Variants in GALNT17 observed in about 807,000 individuals in gnomAD.
The protein encoded by GALNT17 is polypeptide N-acetylgalactosaminyltransferase 17, also known as UDP-GalNAc:polypeptide N-acetylgalactosaminyltransferase-like 3.
A neutral mutation model predicts 63.7 loss-of-function variants in GALNT17; 29 were observed. That is an observed-to-expected ratio of 0.46 (90% CI 0.34 to 0.62). The LOEUF (loss-of-function observed/expected upper bound fraction) is 0.62, where lower values mean the gene tolerates loss of function less well. GALNT17 is among the 20% of genes least tolerant of loss of function. The pLI, the probability that GALNT17 is intolerant of heterozygous loss-of-function variation, is 0.01. For synonymous variants in GALNT17, 305 were observed against 318.3 expected (o/e 0.96, Z 0.45); for missense variants, 603 against 799.6 (o/e 0.75, Z 2.97).
chr7:71,337,392 G>A (rs7788793), intron 2 of GALNT17, among the ~76,000 whole-genome samples: 99,139 of 151,978 alleles, frequency 0.65, 32,738 homozygotes, highest in African/African-American at 0.76. Context: ...TATAGTAGAG[G>A]GATATTTTTG....
At chr7:71,481,317 G>A (rs535145043) in intron 5 of GALNT17, among the ~76,000 whole-genome samples, 1 of 152,224 alleles carries the variant, frequency 6.6e-6, no homozygotes, top group South Asian at 2.1e-4. Context: ...AGGGGTGGTG[G>A]GTGCACATGT....
chr7:71,549,027 C>T (rs954768168), intron 5 of GALNT17, among the ~76,000 whole-genome samples: 1 of 152,100 alleles, frequency 6.6e-6, no homozygotes, highest in Non-Finnish European at 1.5e-5. Flanking sequence ...ATAGGAATGC[C>T]CCTTGCCAGC....
At chr7:71,255,146 G>A (rs1426282399) in intron 1 of GALNT17, among the ~76,000 whole-genome samples, 1 of 152,176 alleles carries the variant, frequency 6.6e-6, no homozygotes, top group Non-Finnish European at 1.5e-5. Context: ...GAGCTGATAG[G>A]GTTTGGCTCT....
intron 2 of GALNT17, among the ~76,000 whole-genome samples, chr7:71,383,421 G>A (rs1049718942): frequency 2.0e-5 from 3 of 152,034 alleles, no homozygotes; most frequent in Non-Finnish European, 4.4e-5. Context: ...TAATTGTTAC[G>A]CTTATTGATT....
intron 6 of GALNT17, among the ~76,000 whole-genome samples, chr7:71,593,849 T>G (rs1382868128): frequency 6.6e-6 from 1 of 152,186 alleles, no homozygotes; most frequent in African/African-American, 2.4e-5. Flanking sequence ...TGGAAAGAAC[T>G]AAAACTACAT....
chr7:71,698,961 C>T (rs951826684), intron 9 of GALNT17, among the ~76,000 whole-genome samples: 1 of 150,936 alleles, frequency 6.6e-6, no homozygotes, highest in Non-Finnish European at 1.5e-5. Context: ...TGCCAGAACT[C>T]AGGAGTTCGA....
At chr7:71,620,690 G>A (rs1212126835) in intron 6 of GALNT17, among the ~76,000 whole-genome samples, 1 of 152,190 alleles carries the variant, frequency 6.6e-6, no homozygotes, top group Non-Finnish European at 1.5e-5. Context: ...TCAAGTCAGT[G>A]TACGTGGGAT....
intron 6 of GALNT17, among the ~76,000 whole-genome samples, chr7:71,577,181 G>A (rs1396299237): frequency 6.6e-6 from 1 of 152,136 alleles, no homozygotes; most frequent in Non-Finnish European, 1.5e-5. Context: ...TGGACATAAA[G>A]ATGGGAATGA....
chr7:71,252,033 G>A (rs1050136556), intron 1 of GALNT17, among the ~76,000 whole-genome samples: 12 of 152,206 alleles, frequency 7.9e-5, no homozygotes, highest in African/African-American at 1.9e-4. Context: ...TGCCTCCTCC[G>A]GGACTCACTC....
chr7:71,207,667 C>T (rs1012226620), intron 1 of GALNT17, among the ~76,000 whole-genome samples: 2 of 152,100 alleles, frequency 1.3e-5, no homozygotes, highest in Admixed American at 6.5e-5. Context: ...GTAAGTGTCA[C>T]TCGCACCTGG....
At chr7:71,384,589 G>A (rs776183305) in intron 2 of GALNT17, among the ~76,000 whole-genome samples, 23 of 152,256 alleles carry the variant, frequency 1.5e-4, no homozygotes, top group Non-Finnish European at 2.5e-4. Context: ...CTTCATCAGC[G>A]GTAAAGACTT....
chr7:71,146,990 T>C (rs1788036334), intron 1 of GALNT17, among the ~76,000 whole-genome samples: 1 of 152,166 alleles, frequency 6.6e-6, no homozygotes, highest in Non-Finnish European at 1.5e-5. Flanking sequence ...GTCCTGTAGT[T>C]ACATACAGCT....
intron 1 of GALNT17, among the ~76,000 whole-genome samples, chr7:71,279,072 C>T (rs113984209): frequency 0.016 from 2,373 of 151,986 alleles, 53 homozygotes; most frequent in African/African-American, 0.055. Context: ...ATTACAGGAA[C>T]GCACCACCAC....
chr7:71,627,332 T>C (rs1790388707), intron 6 of GALNT17, among the ~76,000 whole-genome samples: 1 of 152,158 alleles, frequency 6.6e-6, no homozygotes, highest in African/African-American at 2.4e-5. Context: ...CAGGGGAGGA[T>C]TGCTTGAGCC....
chr7:71,225,425 A>G (rs1583776858), intron 1 of GALNT17, among the ~76,000 whole-genome samples: 1 of 152,198 alleles, frequency 6.6e-6, no homozygotes, highest in South Asian at 2.1e-4. Context: ...CTGCTGCATA[A>G]TGGCGGCAGC....
chr7:71,279,006 A>C (rs1790732750), intron 1 of GALNT17, among the ~76,000 whole-genome samples: 1 of 150,668 alleles, frequency 6.6e-6, no homozygotes, highest in Admixed American at 6.6e-5. Flanking sequence ...GCTCACTGCA[A>C]CCTCCACCTC....
intron 1 of GALNT17, among the ~76,000 whole-genome samples, chr7:71,247,648 G>A (rs955735158): frequency 6.6e-6 from 1 of 152,008 alleles, no homozygotes. Context: ...GTAGAGATGG[G>A]GTTTTGCCAC....
At chr7:71,669,671 C>T (rs1345982387) in intron 7 of GALNT17, among the ~76,000 whole-genome samples, 3 of 150,332 alleles carry the variant, frequency 2.0e-5, no homozygotes, top group African/African-American at 4.9e-5. Flanking sequence ...AAGTGATTCT[C>T]GTGCCTCAGC....
intron 1 of GALNT17, among the ~76,000 whole-genome samples, chr7:71,254,776 C>T (rs958622182): frequency 6.6e-6 from 1 of 152,124 alleles, no homozygotes; most frequent in Non-Finnish European, 1.5e-5. Context: ...GACATGAAAG[C>T]CCACAGGATT....
Sources: allele counts gnomAD v4.1 joint callset (sites outside exome capture counted in the v4.1 genomes callset), GRCh38; gene constraint gnomAD v4.1.1; transcripts MANE v1.5; gene names NCBI Gene and HGNC (gene_info 2026-07-23, HGNC 2026-07-21).